IGSF21: variants seen among roughly 807,000 people sequenced by gnomAD.
IGSF21 encodes immunoglobulin superfamily member 21.
In IGSF21, 28 loss-of-function variants were observed where a neutral mutation model predicts 46.8. The ratio of observed to expected loss-of-function variants is 0.60; its 90% CI spans 0.44 to 0.82. IGSF21 has a LOEUF of 0.82. IGSF21 is among the 40% of genes least tolerant of loss of function. The pLI is 0.00. For synonymous variants in IGSF21, 284 were observed against 273.6 expected (o/e 1.04, Z -0.38); for missense variants, 624 against 665.5 (o/e 0.94, Z 0.69).
chr1:18,365,984 G>A lies in IGSF21; in HGVS notation c.1015+287G>A, dbSNP rs1168380435. Among the ~76,000 whole-genome samples the A allele has an allele frequency of 6.6e-6, 1 of 152,172 alleles. No homozygotes were observed. Among genetic ancestry groups the A allele is most frequent in the African/African-American group, 2.4e-5 (1 of 41,438 alleles). On this transcript the variant is annotated intron_variant, in intron 6 of 9. Coordinates refer to ENST00000251296, the MANE Select transcript of IGSF21 (RefSeq NM_032880.5). The surrounding 1 kb of genome is among the most constrained non-coding windows in gnomAD (Gnocchi z 4.8). ...ATAGGGTCAGGGACACAGGAGATCA[G>A]GGGAGGTCAGAGGAGTTCCTGGATT...
At chr1:18,323,635 G>A (rs904297167) in intron 3 of IGSF21, among the ~76,000 whole-genome samples, 1 of 152,138 alleles carries the variant, frequency 6.6e-6, no homozygotes, top group African/African-American at 2.4e-5. Context: ...CCCTGAAGCG[G>A]GTGAGGGGAG....
intron 1 of IGSF21, among the ~76,000 whole-genome samples, chr1:18,133,136 TAAAG>T (rs2086337223): frequency 6.6e-6 from 1 of 152,130 alleles, no homozygotes; most frequent in Non-Finnish European, 1.5e-5. Flanking sequence ...AGCGTCTCCA[TAAAG>T]GAAGAGGGAG....
At chr1:18,179,914 C>G (rs974539658) in intron 1 of IGSF21, among the ~76,000 whole-genome samples, 1 of 152,208 alleles carries the variant, frequency 6.6e-6, no homozygotes, top group Non-Finnish European at 1.5e-5. Flanking sequence ...CAAAAGCCTC[C>G]AAGCAAAAGG....
chr1:18,260,007 C>G (rs2084931601), intron 2 of IGSF21, among the ~76,000 whole-genome samples: 1 of 152,228 alleles, frequency 6.6e-6, no homozygotes, highest in Non-Finnish European at 1.5e-5. Context: ...CAAGCCTCAG[C>G]TTTCTCTCTT....
At chr1:18,265,948 G>A (rs934199862) in intron 2 of IGSF21, among the ~76,000 whole-genome samples, 3 of 152,286 alleles carry the variant, frequency 2.0e-5, no homozygotes, top group African/African-American at 4.8e-5. Context: ...GAGCTTGGAG[G>A]TGCCCACTGA....
At chr1:18,268,849 C>G (rs1458406950) in intron 2 of IGSF21, among the ~76,000 whole-genome samples, 4 of 152,172 alleles carry the variant, frequency 2.6e-5, no homozygotes, top group East Asian at 3.9e-4. Context: ...CCACATGTGA[C>G]ACCAAAAGCA....
intron 1 of IGSF21, among the ~76,000 whole-genome samples, chr1:18,208,114 C>T (rs1321712970): frequency 4.6e-5 from 7 of 151,674 alleles, no homozygotes; most frequent in African/African-American, 1.5e-4. Flanking sequence ...GAAGATTTAT[C>T]GGAAAAAGTT....
chr1:18,288,049 G>C (rs2085232697), intron 2 of IGSF21, among the ~76,000 whole-genome samples: 1 of 152,146 alleles, frequency 6.6e-6, no homozygotes. Context: ...GACTCTACAA[G>C]GCTCATGTAA....
intron 3 of IGSF21, among the ~76,000 whole-genome samples, chr1:18,319,839 T>A (rs1225478223): frequency 6.6e-6 from 1 of 152,160 alleles, no homozygotes; most frequent in Non-Finnish European, 1.5e-5. Context: ...GTCTTTCTTT[T>A]TCTAAATACA....
intron 1 of IGSF21, among the ~76,000 whole-genome samples, chr1:18,204,528 C>T (rs1049228023): frequency 8.5e-5 from 13 of 152,152 alleles, no homozygotes; most frequent in Non-Finnish European, 1.6e-4. Flanking sequence ...CTTGGGTTAC[C>T]ATGGCTTGAA....
chr1:18,251,556 A>T (rs1332745960), intron 2 of IGSF21, among the ~76,000 whole-genome samples: 1 of 152,124 alleles, frequency 6.6e-6, no homozygotes, highest in Non-Finnish European at 1.5e-5. Context: ...AGTCATGTGG[A>T]TTGCTCTTAT....
chr1:18,300,577 G>A (rs537794648), intron 3 of IGSF21, among the ~76,000 whole-genome samples: 6 of 152,322 alleles, frequency 3.9e-5, no homozygotes, highest in African/African-American at 1.4e-4. Context: ...GCATACCTGG[G>A]CTGCCAGTCA....
rs2086066019 is a variant in IGSF21, at chr1:18,359,387, G to GAAGAAAGA, written c.425-2725_425-2724insAAAGAAAG. Among the ~76,000 whole-genome samples the GAAGAAAGA allele has an allele frequency of 8.9e-5, 3 of 33,858 alleles. No individual in the cohort carries two copies. The South Asian group carries it at 3.9e-3, about 44-fold the overall frequency. 22.2% of individuals were successfully genotyped at this position (33,858 alleles called of 152,430 possible). ...GAAAGAAAGAAAGAAAGAAAGAAAG[G>GAAGAAAGA]AAGGAAGGAAGGAAGGAAGGAAGGA... On this transcript the variant is annotated intron_variant, in intron 4 of 9. Transcript: ENST00000251296.
chr1:18,133,038 T>C (rs1262897768), intron 1 of IGSF21, among the ~76,000 whole-genome samples: 1 of 152,196 alleles, frequency 6.6e-6, no homozygotes, highest in Admixed American at 6.5e-5. Context: ...TCCCTCTAGA[T>C]GCAAAGCACT....
chr1:18,351,309 G>A (rs187269352), intron 4 of IGSF21, among the ~76,000 whole-genome samples: 1 of 151,834 alleles, frequency 6.6e-6, no homozygotes, highest in African/African-American at 2.4e-5. Context: ...TTCTATGGGT[G>A]GGGGGGTAGG....
At chr1:18,283,358 G>C (rs751877794) in intron 2 of IGSF21, among the ~76,000 whole-genome samples, 4 of 152,180 alleles carry the variant, frequency 2.6e-5, no homozygotes, top group Non-Finnish European at 1.5e-5. Flanking sequence ...CTGACATGAG[G>C]ATTTTCTGCC....
chr1:18,206,968 A>G (rs560120091), intron 1 of IGSF21, among the ~76,000 whole-genome samples: 3 of 152,368 alleles, frequency 2.0e-5, no homozygotes, highest in African/African-American at 7.2e-5. Flanking sequence ...TGAGTAGGCT[A>G]CACTCAGGTC....
intron 6 of IGSF21, among the ~76,000 whole-genome samples, chr1:18,366,870 C>T (rs951186510): frequency 1.3e-5 from 2 of 152,176 alleles, no homozygotes; most frequent in Non-Finnish European, 2.9e-5. Context: ...TATACTGGTC[C>T]TCCCCACTGA....
intron 3 of IGSF21, among the ~76,000 whole-genome samples, chr1:18,298,544 G>A (rs2085332942): frequency 6.6e-6 from 1 of 152,220 alleles, no homozygotes; most frequent in African/African-American, 2.4e-5. Flanking sequence ...AGCTGGGCGG[G>A]GCAGGGTGGA....
Sources: gnomAD v4.1 joint callset for allele counts (sites outside exome capture counted in the v4.1 genomes callset) on GRCh38, gnomAD v4.1.1 for gene constraint, Gnocchi (gnomAD v3.1) non-coding constraint, MANE v1.5 for transcripts, NCBI Gene and HGNC (gene_info 2026-07-23, HGNC 2026-07-21) for gene names.